CD5L: variants seen among roughly 807,000 people sequenced by gnomAD.
The protein encoded by CD5L is CD5 molecule like.
A neutral mutation model predicts 40.8 loss-of-function variants in CD5L; 39 were observed. The ratio of observed to expected loss-of-function variants is 0.96; its 90% CI spans 0.74 to 1.25. The LOEUF is 1.25. Ranked by LOEUF, CD5L falls within the 50% of genes most tolerant of loss-of-function variation. The pLI is 0.00. For synonymous variants in CD5L, 192 were observed against 169.6 expected, an observed-to-expected ratio of 1.13 and a Z score of -1.03; for missense variants, 433 against 435.9, an observed-to-expected ratio of 0.99 and a Z score of 0.06.
chr1:157,833,577 T>A, intron 4 of CD5L, 65 bp from the exon 5 acceptor site: 6 of 1,291,680 alleles, frequency 4.6e-6, no homozygotes, highest in Non-Finnish European at 6.4e-6. Context: ...AATAAGATCA[T>A]TTATTTTTAA....
At chr1:157,830,436 G>A (rs557833571), downstream of CD5L, among the ~76,000 whole-genome samples, 6 of 152,254 alleles carry the variant, frequency 3.9e-5, no homozygotes, top group South Asian at 1.0e-3. Context: ...AGTGACTTAA[G>A]GAATCACAGT....
chr1:157,830,305 T>C (rs1656012711), downstream of CD5L, among the ~76,000 whole-genome samples: 1 of 152,248 alleles, frequency 6.6e-6, no homozygotes, highest in Non-Finnish European at 1.5e-5. Flanking sequence ...GGGACTCTTT[T>C]CAGAGGACCC....
intron 2 of CD5L, among the ~76,000 whole-genome samples, chr1:157,838,657 G>T (rs971139287): frequency 6.6e-6 from 1 of 152,004 alleles, no homozygotes; most frequent in African/African-American, 2.4e-5. Context: ...TCAGCTTGAG[G>T]AAACAGAAGG....
At chr1:157,833,591 T>C in intron 4 of CD5L, 79 bp from the exon 5 acceptor site, 1 of 1,194,508 alleles carries the variant, frequency 8.4e-7, no homozygotes, top group South Asian at 1.5e-5. Context: ...TTTTTAAAAT[T>C]TTTTCATTTT....
At chr1:157,835,775 AAG>A in intron 3 of CD5L, 58 bp downstream of exon 3, 1 of 1,401,962 alleles carries the variant, frequency 7.1e-7, no homozygotes, top group South Asian at 1.3e-5. Context: ...GAAGACCAAC[AAG>A]AGTGGCCGTG....
intron 2 of CD5L, among the ~76,000 whole-genome samples, chr1:157,836,846 A>G (rs1286571172): frequency 6.6e-6 from 1 of 152,220 alleles, no homozygotes; most frequent in Non-Finnish European, 1.5e-5. Context: ...CAGAGCCCCA[A>G]GAGTTTGGTC....
chr1:157,834,619 A>T lies in CD5L; in HGVS notation c.506T>A (p.Leu169His), dbSNP rs1656146379. 20 of 1,614,126 alleles carry T rather than the reference A, an allele frequency of 1.2e-5. No homozygotes were observed. The highest frequency in any genetic ancestry group is 1.7e-5 in the Non-Finnish European group (20 of 1,180,024). ...CCGGCACACCACCTTTGCGGCCCGGAGGCTCCAGCCTGTCTGGCACACGGT... is the reference window on the plus strand; with the variant it reads ...CCGGCACACCACCTTTGCGGCCCGGTGGCTCCAGCCTGTCTGGCACACGGT... ...WYTVCQTGWSLRAAKVVCRQL... is the reference protein window; with the variant it reads ...WYTVCQTGWSHRAAKVVCRQL... The change falls in exon 4 of 6, where the codon CTC becomes CAC. Residue 169 changes from leucine (L) to histidine (H), a missense_variant. Transcript: ENST00000368174.
chr1:157,834,852 A>G, intron 3 of CD5L, 104 bp from the exon 4 acceptor site: 1 of 821,268 alleles, frequency 1.2e-6, no homozygotes, highest in Non-Finnish European at 1.9e-6. Flanking sequence ...GTTCAGTACA[A>G]GGCATGCTAA....
chr1:157,833,596 CATTTTGTAT>C, intron 4 of CD5L, 84 bp from the exon 5 acceptor site: 1 of 1,153,320 alleles, frequency 8.7e-7, no homozygotes, highest in Non-Finnish European at 1.2e-6. Flanking sequence ...AAAATTTTTT[CATTTTGTAT>C]TTTTTGTATG....
intron 4 of CD5L, among the ~76,000 whole-genome samples, chr1:157,833,902 C>T (rs1656119711): frequency 6.6e-6 from 1 of 151,848 alleles, no homozygotes; most frequent in Non-Finnish European, 1.5e-5. Flanking sequence ...TGAGCCACTG[C>T]ATCTGGCCAA....
Position 157,836,003 on chromosome 1 carries a change from C to T in CD5L, c.208G>A (p.Ala70Thr), listed in dbSNP as rs2101938700. The T allele has an allele frequency of 6.2e-7, 1 of 1,614,182 alleles. No individual in the cohort carries two copies. Among genetic ancestry groups the T allele is most frequent in the Non-Finnish European group, 8.5e-7 (1 of 1,180,044 alleles). The change falls in exon 3 of 6, where the codon GCC becomes ACC. Residue 70 changes from alanine to threonine, a missense_variant. By Grantham distance (58) the Ala-to-Thr change is moderately conservative (BLOSUM62 0). Transcript: ENST00000368174. ...VLCRELGCGA[A>T]SGTPSGILYE... The stretch of plus-strand genomic sequence containing the variant: ...AAAATACCACTAGGGGTTCCGCTGG[C>T]AGCTCCACAGCCCAGCTCCCGGCAC...
At chr1:157,832,920 C>T (rs1037393517) in intron 5 of CD5L, among the ~76,000 whole-genome samples, 3 of 152,038 alleles carry the variant, frequency 2.0e-5, no homozygotes, top group African/African-American at 4.8e-5. Flanking sequence ...ATTTTCAGAA[C>T]GCCTCTTGTT....
Position 157,833,277 on chromosome 1 carries a change from C to T in CD5L, c.954G>A (p.Glu318=). Residue 318 remains glutamate (E), a synonymous_variant, in exon 5 of 6, where the codon GAG becomes GAA. Coordinates refer to ENST00000368174, the MANE Select transcript of CD5L (RefSeq NM_005894.3). ...GCTGGCACTGCTCCAGGGACTGCTC[C>T]TCCCCTGAGCAACGAACATTATCCA... ...IWLDNVRCSG[E]EQSLEQCQHR... 6.2e-7 allele frequency: 1 copy of T among 1,614,168 alleles called. No homozygotes were observed. The highest frequency in any genetic ancestry group is 8.5e-7 in the Non-Finnish European group (1 of 1,180,014).
At position 157,835,834 on chromosome 1, in the gene CD5L, C is replaced by T. The variant is rs1656195775; in HGVS notation, c.376+1G>A. On this transcript the variant is annotated splice_donor_variant, in intron 3 of 5. Coordinates refer to ENST00000368174, the MANE Select transcript of CD5L (RefSeq NM_005894.3). LOFTEE classifies it high-confidence loss of function. ...TGGTCCGGGACCCCTGCCATACTCACTCTCACACGATGCCCCAGCATCTTC... is the reference window on the plus strand; with the variant it reads ...TGGTCCGGGACCCCTGCCATACTCATTCTCACACGATGCCCCAGCATCTTC... 2.5e-6 allele frequency: 4 copies of T among 1,607,518 alleles called. No individual in the cohort carries two copies. The highest frequency in any genetic ancestry group is 2.2e-5 in the East Asian group (1 of 44,856).
chr1:157,836,398 G>A (rs557500584), intron 2 of CD5L, among the ~76,000 whole-genome samples: 3 of 152,322 alleles, frequency 2.0e-5, no homozygotes, highest in Admixed American at 1.3e-4. Context: ...ACCTGGACAT[G>A]ACTGCTGGCA....
chr1:157,834,748 T>G lies in CD5L; in HGVS notation c.377A>C (p.Asn126Thr). 1 of 1,610,796 alleles carries G rather than the reference T, an allele frequency of 6.2e-7. No individual in the cohort carries two copies. Among genetic ancestry groups the G allele is most frequent in the Non-Finnish European group, 8.5e-7 (1 of 1,177,344 alleles). ...HDEDAGASCENPESSFSPVPE... is the reference protein window; with the variant it reads ...HDEDAGASCETPESSFSPVPE... ...GACTGGGGAGAAAGAGCTCTCTGGG[T>G]CTGAGGGGAAAGAAAGAGAGCGTGT... Residue 126 changes from asparagine (N) to threonine (T), a missense_variant and splice_region_variant, in exon 4 of 6, where the codon AAC (asparagine) becomes ACC (threonine). Physicochemically the swap from Asn to Thr is moderately conservative, Grantham distance 65 (BLOSUM62 0). Transcript: ENST00000368174.
chr1:157,838,391 G>C (rs922370021), intron 2 of CD5L, among the ~76,000 whole-genome samples: 2 of 152,068 alleles, frequency 1.3e-5, no homozygotes, highest in Non-Finnish European at 2.9e-5. Flanking sequence ...CATTGTATCT[G>C]ACATTAGAGT....
Position 157,831,964 on chromosome 1 carries a change from C to T in CD5L, c.1044G>A (p.Ter348=). 1 of 1,590,056 alleles carries T rather than the reference C, an allele frequency of 6.3e-7. No homozygotes were observed. The highest frequency in any genetic ancestry group is 2.3e-5 in the East Asian group (1 of 44,056). Reference sequence around the variant, plus strand: ...GGCCAGGTCAAGCAACACCAGGATACTATCCTATAAAGAGAAGAGGAAAAT... The same window carrying T: ...GGCCAGGTCAAGCAACACCAGGATATTATCCTATAAAGAGAAGAGGAAAAT... ...QEDVAVICSG[*] The change falls in exon 6 of 6, where the codon TAG becomes TAA. Residue 348 remains the stop codon, a stop_retained_variant. Coordinates refer to ENST00000368174, the MANE Select transcript of CD5L (RefSeq NM_005894.3).
Position 157,832,416 on chromosome 1 carries a change from T to A in CD5L, c.1040-448A>T, listed in dbSNP as rs112711091. On this transcript the variant is annotated intron_variant, in intron 5 of 5. Coordinates refer to ENST00000368174, the MANE Select transcript of CD5L (RefSeq NM_005894.3). ...CCCACATACCTTGGTCAACTATCAG[T>A]TCTTATCTAGTTCCAGAGTTAGTGG... is the stretch of plus-strand genomic sequence containing the variant. 2.8e-3 allele frequency among the ~76,000 whole-genome samples: 424 copies of A among 152,310 alleles called. 1 individual carries two copies. The highest frequency in any genetic ancestry group is 9.9e-3 in the African/African-American group (411 of 41,566).
Sources: gnomAD v4.1 joint callset for allele counts (sites outside exome capture counted in the v4.1 genomes callset) on GRCh38, gnomAD v4.1.1 for gene constraint, MANE v1.5 for transcripts, NCBI Gene and HGNC (gene_info 2026-07-23, HGNC 2026-07-21) for gene names.